RMND1: variants seen among roughly 807,000 people sequenced by gnomAD.
RMND1 encodes the protein required for meiotic nuclear division protein 1 homolog.
A neutral mutation model predicts 54.0 loss-of-function variants in RMND1; 41 were observed. The observed-to-expected ratio is 0.76, with a 90% confidence interval of 0.59 to 0.98. The LOEUF (loss-of-function observed/expected upper bound fraction) is 0.98, where lower values mean the gene tolerates loss of function less well. Among genes scored for constraint, RMND1 ranks in the 50% least tolerant of loss-of-function variants. The probability of loss-of-function intolerance (pLI) is 0.00; values close to 1 mark genes in which losing one functional copy is unlikely to be tolerated. For synonymous variants in RMND1, 183 were observed against 181.7 expected, an observed-to-expected ratio of 1.01 and a Z score of -0.06; for missense variants, 457 against 532.0, an observed-to-expected ratio of 0.86 and a Z score of 1.39.
Position 151,405,193 on chromosome 6 carries a change from A to C in RMND1, c.*42T>G, listed in dbSNP as rs767672248. ...CCGAACATTTAATTTTTGATTGTAGAACTTGAATATCTCTTGCAGTGACAC... is the reference window on the plus strand; with the variant it reads ...CCGAACATTTAATTTTTGATTGTAGCACTTGAATATCTCTTGCAGTGACAC... On this transcript the variant is annotated 3_prime_UTR_variant, in exon 12 of 12. Coordinates refer to ENST00000444024, the MANE Select transcript of RMND1 (RefSeq NM_017909.4). 1.3e-6 allele frequency: 2 copies of C among 1,582,154 alleles called. No homozygotes were observed. Among genetic ancestry groups the C allele is most frequent in the Non-Finnish European group, 1.7e-6 (2 of 1,151,824 alleles).
chr6:151,440,545 T>C (rs1008869529), intron 2 of RMND1, among the ~76,000 whole-genome samples: 2 of 152,222 alleles, frequency 1.3e-5, no homozygotes, highest in Non-Finnish European at 2.9e-5. Flanking sequence ...AGGATCTTTG[T>C]TGTAGGTTTT....
intron 2 of RMND1, chr6:151,444,346 T>C (rs1253154439): frequency 6.6e-6 from 1 of 152,208 alleles, no homozygotes; most frequent in African/African-American, 2.4e-5. Context: ...ACTTCATCCT[T>C]CACGTCCTGA....
rs189389430 is a variant in RMND1, at chr6:151,410,124, C to G, written c.1201-4288G>C. Among the ~76,000 whole-genome samples, 525 of 151,600 alleles carry G rather than the reference C, an allele frequency of 3.5e-3. 9 individuals are homozygous for G. Among genetic ancestry groups the G allele is most frequent in the East Asian group, 4.1e-3 (21 of 5,142 alleles). On this transcript the variant is annotated intron_variant, in intron 10 of 11. Coordinates refer to ENST00000444024, the MANE Select transcript of RMND1 (RefSeq NM_017909.4). ...GGCTGGACTGCAGTGGCACAATCTC[C>G]GCTCACTGCAAGCTCTCCCTCCCGG...
intron 10 of RMND1, among the ~76,000 whole-genome samples, chr6:151,409,569 C>T (rs776333150): frequency 6.6e-6 from 1 of 152,164 alleles, no homozygotes; most frequent in Non-Finnish European, 1.5e-5. Flanking sequence ...TATGTGAGGC[C>T]TTTGCCAAGA....
At chr6:151,409,287 A>G (rs1029064724) in intron 10 of RMND1, among the ~76,000 whole-genome samples, 3 of 152,220 alleles carry the variant, frequency 2.0e-5, no homozygotes, top group African/African-American at 7.2e-5. Flanking sequence ...ACAGGCTTTC[A>G]ATAAATGTTT....
chr6:151,408,099 T>C (rs998418744), intron 10 of RMND1, among the ~76,000 whole-genome samples: 6 of 151,882 alleles, frequency 4.0e-5, no homozygotes, highest in Admixed American at 1.3e-4. Context: ...CTGGTGGGGT[T>C]ATTGGGGGAT....
rs1562789319 is a variant in RMND1, at chr6:151,422,524, A to T, written c.1002+17T>A. The T allele has an allele frequency of 7.7e-7, 1 of 1,302,234 alleles. No homozygotes were observed. Among genetic ancestry groups the T allele is most frequent in the East Asian group, 2.5e-5 (1 of 40,278 alleles). 80.7% of individuals were successfully genotyped at this position (1,302,234 alleles called of 1,614,324 possible). ...TAAAAATCAATCCTTGAATAAGCAT[A>T]AAATTGATATAATTACCTCAGGAAT... is the stretch of plus-strand genomic sequence containing the variant. On this transcript the variant is annotated intron_variant, in intron 8 of 11. Transcript: ENST00000444024.
At chr6:151,427,087 T>G (rs7748371) in intron 6 of RMND1, among the ~76,000 whole-genome samples, 152,080 of 152,082 alleles carry the variant, frequency 1, 76,039 homozygotes, top group Middle Eastern at 1. Flanking sequence ...TTCTTAAAAG[T>G]AAGTTTCCAG....
chr6:151,405,797 CTG>C lies in RMND1; in HGVS notation c.1238_1239del (p.Thr413ArgfsTer9). 1 of 1,612,212 alleles carries C rather than the reference CTG, an allele frequency of 6.2e-7. No individual in the cohort carries two copies. Among genetic ancestry groups the C allele is most frequent in the Non-Finnish European group, 8.5e-7 (1 of 1,178,438 alleles). ...TCATTCAGGTGATTCCGCATTAGAT[CTG>C]TTAGTTCCATGCAGTGCTGAAGTTT... ...NEKLQHCMEL[T>X]DLMRNHLNEK... On this transcript the variant is annotated frameshift_variant, in exon 11 of 12. Coordinates refer to ENST00000444024, the MANE Select transcript of RMND1 (RefSeq NM_017909.4). LOFTEE classifies it high-confidence loss of function.
At chr6:151,443,738 T>C (rs1186069356) in intron 2 of RMND1, among the ~76,000 whole-genome samples, 1 of 152,230 alleles carries the variant, frequency 6.6e-6, no homozygotes, top group African/African-American at 2.4e-5. Flanking sequence ...ATCCATGAAA[T>C]AACTAACTCC....
intron 9 of RMND1, among the ~76,000 whole-genome samples, chr6:151,418,035 A>G (rs1226745820): frequency 2.0e-5 from 3 of 152,012 alleles, no homozygotes; most frequent in African/African-American, 7.2e-5. Context: ...CGAACTCCTG[A>G]CCTCACGTGA....
intron 5 of RMND1, among the ~76,000 whole-genome samples, chr6:151,428,895 A>G (rs1780378815): frequency 6.6e-6 from 1 of 152,302 alleles, no homozygotes; most frequent in East Asian, 1.9e-4. Context: ...GAATCTCAAC[A>G]TTTATGAAAC....
chr6:151,439,688 T>C (rs1320264803), intron 2 of RMND1, among the ~76,000 whole-genome samples: 2 of 152,172 alleles, frequency 1.3e-5, no homozygotes, highest in East Asian at 3.8e-4. Flanking sequence ...TGAGACAGTT[T>C]CACTCTTGTT....
At chr6:151,410,218 C>G (rs1433878242) in intron 10 of RMND1, among the ~76,000 whole-genome samples, 1 of 152,042 alleles carries the variant, frequency 6.6e-6, no homozygotes, top group African/African-American at 2.4e-5. Flanking sequence ...CCACGCCCAG[C>G]TAATTTTTTT....
At chr6:151,436,616 CTGA>C (rs1170809604) in intron 2 of RMND1, 62 bp from the exon 3 acceptor site, 2 of 1,551,482 alleles carry the variant, frequency 1.3e-6, no homozygotes, top group African/African-American at 2.7e-5. Flanking sequence ...GTGACGGCTG[CTGA>C]GCACCCTACT....
chr6:151,419,095 GCT>G (rs1272041061), intron 9 of RMND1, among the ~76,000 whole-genome samples: 3 of 131,292 alleles, frequency 2.3e-5, no homozygotes, highest in Non-Finnish European at 3.3e-5. Context: ...ACAGAATCTT[GCT>G]CTGTCGCCCA....
chr6:151,450,265 C>A (rs1293238985), intron 1 of RMND1, among the ~76,000 whole-genome samples: 1 of 151,612 alleles, frequency 6.6e-6, no homozygotes, highest in Admixed American at 6.6e-5. Context: ...CCCGCCGCCC[C>A]GTCTGGGATG....
intron 2 of RMND1, among the ~76,000 whole-genome samples, chr6:151,443,898 G>C (rs1272081854): frequency 6.6e-6 from 1 of 152,142 alleles, no homozygotes; most frequent in Non-Finnish European, 1.5e-5. Flanking sequence ...TGTTCAACTA[G>C]ATTATTCATT....
intron 1 of RMND1, among the ~76,000 whole-genome samples, chr6:151,448,095 C>G (rs367763267): frequency 6.6e-6 from 1 of 152,102 alleles, no homozygotes; most frequent in Non-Finnish European, 1.5e-5. Context: ...GGATTACAGG[C>G]GTGAGCCACC....
Sources: allele counts gnomAD v4.1 joint callset (sites outside exome capture counted in the v4.1 genomes callset), GRCh38; gene constraint gnomAD v4.1.1; transcripts MANE v1.5; gene names NCBI Gene and HGNC (gene_info 2026-07-23, HGNC 2026-07-21).